TMEM50A: variants seen among roughly 807,000 people sequenced by gnomAD.
TMEM50A encodes cervical cancer oncogene 9.
TMEM50A carries 8 observed loss-of-function variants against 23.9 expected under a neutral mutation model. That is an observed-to-expected ratio of 0.33 (90% CI 0.20 to 0.60). The LOEUF (loss-of-function observed/expected upper bound fraction) is 0.60, where lower values mean the gene tolerates loss of function less well. TMEM50A is among the 20% of genes least tolerant of loss of function. The pLI, the probability that TMEM50A is intolerant of heterozygous loss-of-function variation, is 0.81. For synonymous variants in TMEM50A, 55 were observed against 60.4 expected, an observed-to-expected ratio of 0.91 and a Z score of 0.41; for missense variants, 178 against 192.7, an observed-to-expected ratio of 0.92 and a Z score of 0.45.
intron 3 of TMEM50A, among the ~76,000 whole-genome samples, chr1:25,348,053 A>G (rs1645237209): frequency 6.6e-6 from 1 of 152,236 alleles, no homozygotes; most frequent in Non-Finnish European, 1.5e-5. Flanking sequence ...TTATAGCTGT[A>G]TATGAGCTTG....
Position 25,343,017 on chromosome 1 carries a change from A to C in TMEM50A, c.150A>C (p.Lys50Asn). 6.2e-7 allele frequency: 1 copy of C among 1,613,828 alleles called. No homozygotes were observed. The highest frequency in any genetic ancestry group is 8.5e-7 in the Non-Finnish European group (1 of 1,179,902). Residue 50 changes from lysine (K) to asparagine (N), a missense_variant, in exon 3 of 7, where the codon AAA becomes AAC. Lys to Asn is a moderately conservative substitution (Grantham distance 94). Coordinates refer to ENST00000374358, the MANE Select transcript of TMEM50A (RefSeq NM_014313.4). ...IDAAVIYPTM[K>N]DFNHSYHACG... Reference sequence around the variant, plus strand: ...CAGCTGTTATTTATCCCACCATGAAAGATTTCAACCACTCATACCATGCCT... The same window carrying C: ...CAGCTGTTATTTATCCCACCATGAACGATTTCAACCACTCATACCATGCCT...
rs1043324793 is a variant in TMEM50A, at chr1:25,362,268, T to C, written c.*1563T>C. Reference sequence around the variant, plus strand: ...TGTCAATAAAATTAACCCAAAACTTTAATAATGTGTCTGTAACCAAGAAAA... The same window carrying C: ...TGTCAATAAAATTAACCCAAAACTTCAATAATGTGTCTGTAACCAAGAAAA... On this transcript the variant is annotated 3_prime_UTR_variant, in exon 7 of 7. Coordinates refer to ENST00000374358, the MANE Select transcript of TMEM50A (RefSeq NM_014313.4). The C allele has an allele frequency of 5.4e-6, 4 of 745,332 alleles. No homozygotes were observed. The African/African-American group carries it at 7.1e-5, about 13-fold the overall frequency. The allele number at this position is 745,332 out of a possible 1,614,324, so 46.2% of individuals were successfully genotyped here.
chr1:25,362,219 A>G lies in TMEM50A; in HGVS notation c.*1514A>G. On this transcript the variant is annotated 3_prime_UTR_variant, in exon 7 of 7. Coordinates refer to ENST00000374358, the MANE Select transcript of TMEM50A (RefSeq NM_014313.4). ...GTTAACTGAGTAGCATGCTTTATTA[A>G]GCATGAGAAAGAATCTTAAGAATTG... 1 of 552,994 alleles carries G rather than the reference A, an allele frequency of 1.8e-6. No individual in the cohort carries two copies. The highest frequency in any genetic ancestry group is 2.1e-5 in the South Asian group (1 of 46,756). 34.3% of individuals were successfully genotyped at this position (552,994 alleles called of 1,614,324 possible).
intron 5 of TMEM50A, among the ~76,000 whole-genome samples, chr1:25,356,263 G>A (rs545639637): frequency 6.6e-6 from 1 of 152,242 alleles, no homozygotes; most frequent in East Asian, 1.9e-4. Context: ...CTGCCCAGTT[G>A]CCCTCTTTCT....
At chr1:25,359,893 G>A (rs1048733166) in intron 6 of TMEM50A, among the ~76,000 whole-genome samples, 1 of 152,082 alleles carries the variant, frequency 6.6e-6, no homozygotes, top group African/African-American at 2.4e-5. Flanking sequence ...CGAATTCTGT[G>A]TTTCTGTGCC....
At chr1:25,355,173 G>T (rs544274191) in intron 5 of TMEM50A, among the ~76,000 whole-genome samples, 1 of 152,012 alleles carries the variant, frequency 6.6e-6, no homozygotes, top group Non-Finnish European at 1.5e-5. Context: ...GCCAGGCATG[G>T]TGGCACACAC....
chr1:25,357,711 C>T (rs1235213881), intron 6 of TMEM50A, among the ~76,000 whole-genome samples: 2 of 151,984 alleles, frequency 1.3e-5, no homozygotes, highest in Non-Finnish European at 2.9e-5. Context: ...GATCTCAGCT[C>T]ACTGCAACCT....
intron 2 of TMEM50A, among the ~76,000 whole-genome samples, chr1:25,341,555 T>A (rs3093580): frequency 0.079 from 11,974 of 152,132 alleles, 1,498 homozygotes; most frequent in African/African-American, 0.27. Flanking sequence ...CTTGCTCTTG[T>A]TTTAGTAGAG....
In TMEM50A at chr1:25,352,695, C is replaced by T. The variant is rs115993485; in HGVS notation, c.275-187C>T. ...AATAATTTTTAAAAATCTATACAGA[C>T]CAACCAAGAAGAAAAAGGCCAACAG... On this transcript the variant is annotated intron_variant, in intron 4 of 6. Coordinates refer to ENST00000374358, the MANE Select transcript of TMEM50A (RefSeq NM_014313.4). Among the ~76,000 whole-genome samples, 197 of 151,752 alleles carry T rather than the reference C, an allele frequency of 1.3e-3. 1 individual carries two copies. Among genetic ancestry groups the T allele is most frequent in the African/African-American group, 4.7e-3 (193 of 41,398 alleles).
At chr1:25,357,611 T>A (rs1179110707) in intron 6 of TMEM50A, among the ~76,000 whole-genome samples, 6 of 129,292 alleles carry the variant, frequency 4.6e-5, no homozygotes, top group African/African-American at 2.0e-4. Context: ...TCTCACCCAG[T>A]GTGTGTGTGT....
At chr1:25,357,549 G>GTGTGTGTGTGTGT (rs1419231262) in intron 6 of TMEM50A, among the ~76,000 whole-genome samples, 1 of 148,486 alleles carries the variant, frequency 6.7e-6, no homozygotes, top group Admixed American at 6.7e-5. Flanking sequence ...GTGTGTGTGT[G>GTGTGTGTGTGTGT]TGTGTGTGTG....
intron 5 of TMEM50A, among the ~76,000 whole-genome samples, chr1:25,354,916 C>T (rs1189902646): frequency 6.6e-6 from 1 of 151,664 alleles, no homozygotes; most frequent in Non-Finnish European, 1.5e-5. Context: ...GGATTACAGG[C>T]GCCTGCCGCC....
intron 5 of TMEM50A, 66 bp from the exon 6 acceptor site, chr1:25,356,727 G>T: frequency 8.3e-7 from 1 of 1,207,640 alleles, no homozygotes. Context: ...ACTGGTATTT[G>T]CCAATATATC....
At position 25,362,087 on chromosome 1, in the gene TMEM50A, C is replaced by T; in HGVS notation, c.*1382C>T. On this transcript the variant is annotated 3_prime_UTR_variant, in exon 7 of 7. Transcript: ENST00000374358. Reference sequence around the variant, plus strand: ...CAGAATATGCTCAGGGAATGCCAGCCACCTTGTAAAACTGCTGGGAGAAAA... The same window carrying T: ...CAGAATATGCTCAGGGAATGCCAGCTACCTTGTAAAACTGCTGGGAGAAAA... 3.3e-6 allele frequency: 1 copy of T among 306,086 alleles called. No individual in the cohort carries two copies. The highest frequency in any genetic ancestry group is 6.2e-6 in the Non-Finnish European group (1 of 160,494). 19.0% of individuals were successfully genotyped at this position (306,086 alleles called of 1,614,324 possible). A position where few individuals can be genotyped will look rare whatever the true frequency, so the allele number is the denominator to read the frequency against.
intron 3 of TMEM50A, among the ~76,000 whole-genome samples, chr1:25,349,638 A>G (rs1273036476): frequency 6.6e-6 from 1 of 151,680 alleles, no homozygotes; most frequent in Non-Finnish European, 1.5e-5. Flanking sequence ...TTTTTTTCAT[A>G]GATACAAGGT....
intron 5 of TMEM50A, among the ~76,000 whole-genome samples, chr1:25,355,486 T>G (rs1645324483): frequency 1.3e-5 from 2 of 152,230 alleles, no homozygotes; most frequent in African/African-American, 4.8e-5. Flanking sequence ...AATGTCTTTA[T>G]CTCATAATTT....
chr1:25,348,761 C>T (rs1645247340), intron 3 of TMEM50A, among the ~76,000 whole-genome samples: 1 of 151,892 alleles, frequency 6.6e-6, no homozygotes, highest in Non-Finnish European at 1.5e-5. Context: ...AACATTTTGA[C>T]AGATATTCTA....
At chr1:25,355,363 A>G (rs1286546668) in intron 5 of TMEM50A, among the ~76,000 whole-genome samples, 1 of 152,196 alleles carries the variant, frequency 6.6e-6, no homozygotes, top group African/African-American at 2.4e-5. Context: ...GAATTGCATA[A>G]TGCTTATTCA....
At chr1:25,351,525 AG>A in intron 3 of TMEM50A, 100 bp from the exon 4 acceptor site, 1 of 828,328 alleles carries the variant, frequency 1.2e-6, no homozygotes, top group Non-Finnish European at 1.8e-6. Context: ...AAAAAAAAAA[AG>A]ACTTTCAGGC....
Sources: allele counts gnomAD v4.1 joint callset (sites outside exome capture counted in the v4.1 genomes callset), GRCh38; gene constraint gnomAD v4.1.1; transcripts MANE v1.5; gene names NCBI Gene and HGNC (gene_info 2026-07-23, HGNC 2026-07-21).